Variants in KANSL1 observed in about 807,000 individuals in gnomAD.
KANSL1 encodes the protein MLL1/MLL complex subunit KANSL1.
KANSL1 carries 22 observed loss-of-function variants against 103.6 expected under a neutral mutation model. The ratio of observed to expected loss-of-function variants is 0.21; its 90% CI spans 0.15 to 0.30. KANSL1 has a LOEUF of 0.30. KANSL1 is among the 10% of genes least tolerant of loss of function. The pLI, the probability that KANSL1 is intolerant of heterozygous loss-of-function variation, is 1.00. For synonymous variants in KANSL1, 600 were observed against 527.6 expected (o/e 1.14, Z -1.88); for missense variants, 1,337 against 1,399.8 (o/e 0.96, Z 0.72).
chr17:46,091,427 T>G (rs147302233), intron 3 of KANSL1, among the ~76,000 whole-genome samples: 342 of 152,278 alleles, frequency 2.2e-3, no homozygotes, highest in African/African-American at 7.9e-3. Context: ...AAAAAAATAT[T>G]TAAAATAAAT....
chr17:46,034,547 T>C, intron 10 of KANSL1: 3 of 390,336 alleles, frequency 7.7e-6, no homozygotes, highest in Non-Finnish European at 1.4e-5. Flanking sequence ...GGCTCATGCG[T>C]AAATTTCATA....
intron 4 of KANSL1, among the ~76,000 whole-genome samples, chr17:46,070,774 T>C (rs558094485): frequency 1.4e-4 from 21 of 152,090 alleles, no homozygotes; most frequent in Non-Finnish European, 2.6e-4. Flanking sequence ...GTATATTTGA[T>C]TTATATATGG....
At chr17:46,060,225 G>T (rs2078109080) in intron 6 of KANSL1, among the ~76,000 whole-genome samples, 1 of 152,148 alleles carries the variant, frequency 6.6e-6, no homozygotes, top group Non-Finnish European at 1.5e-5. Flanking sequence ...TTTGGCTCAA[G>T]GACAGGTTAT....
intron 2 of KANSL1, among the ~76,000 whole-genome samples, chr17:46,168,490 G>C (rs577343348): frequency 6.6e-6 from 1 of 152,132 alleles, no homozygotes; most frequent in Non-Finnish European, 1.5e-5. Context: ...TGGATGTAGA[G>C]GCGTGTGCCA....
At chr17:46,151,417 C>T (rs2045094925) in intron 2 of KANSL1, among the ~76,000 whole-genome samples, 1 of 152,240 alleles carries the variant, frequency 6.6e-6, no homozygotes, top group Non-Finnish European at 1.5e-5. Flanking sequence ...CAAACTGTCA[C>T]CTCCTCAGAG....
chr17:46,154,983 C>T lies in KANSL1; in HGVS notation c.1289+15872G>A, dbSNP rs117652975. The stretch of plus-strand genomic sequence containing the variant: ...AGCCTAATCTCTCAATTTTAGTTTC[C>T]TTACCATAAAACAGACACAATGCTT... On this transcript the variant is annotated intron_variant, in intron 2 of 14. Transcript: ENST00000432791. Among the ~76,000 whole-genome samples the T allele has an allele frequency of 3.9e-3, 600 of 152,162 alleles. 3 individuals carry two copies. Among genetic ancestry groups the T allele is most frequent in the Middle Eastern group, 0.017 (5 of 294 alleles).
At chr17:46,166,185 G>C (rs553652879) in intron 2 of KANSL1, among the ~76,000 whole-genome samples, 1 of 140,536 alleles carries the variant, frequency 7.1e-6, no homozygotes, top group African/African-American at 2.6e-5. Context: ...TGTAACTCTA[G>C]CCTGGGCGAC....
chr17:46,059,782 T>C lies in KANSL1; in HGVS notation c.1848+6755A>G, dbSNP rs370082348. ...CAGACTGGAGTGCAGTAGCTTGATC[T>C]TGACTCACTGCAACCTCTGCCTCCC... On this transcript the variant is annotated intron_variant, in intron 6 of 14. Transcript: ENST00000432791. Among the ~76,000 whole-genome samples the C allele has an allele frequency of 2.0e-5, 3 of 152,198 alleles. No homozygotes were observed. In the East Asian group the frequency reaches 5.8e-4, roughly 29 times the overall value.
At chr17:46,138,883 G>C (rs536462923) in intron 2 of KANSL1, among the ~76,000 whole-genome samples, 1 of 152,270 alleles carries the variant, frequency 6.6e-6, no homozygotes, top group South Asian at 2.1e-4. Context: ...CATACATACA[G>C]GACACACATA....
rs984428912 is a variant in KANSL1 at position 46,036,460 on chromosome 17, TTTTTC to T, written c.2541+2073_2541+2077del. On this transcript the variant is annotated intron_variant, in intron 10 of 14. Coordinates refer to ENST00000432791, the MANE Select transcript of KANSL1 (RefSeq NM_015443.4). The stretch of plus-strand genomic sequence containing the variant: ...TGTGTCTGTACTGAAAAGGTACAGA[TTTTTC>T]TTTTCATTATTCTCTAAACAATACA... Among the ~76,000 whole-genome samples the T allele has an allele frequency of 6.6e-5, 10 of 152,330 alleles. No homozygotes were observed. The South Asian group carries it at 1.2e-3, about 19-fold the overall frequency.
At chr17:46,206,059 A>G (rs1399370156) in intron 1 of KANSL1, among the ~76,000 whole-genome samples, 1 of 142,994 alleles carries the variant, frequency 7.0e-6, no homozygotes, top group Non-Finnish European at 1.5e-5. Context: ...TGCAGCCTGG[A>G]TGACAGAACA....
At chr17:46,170,819 T>G (rs769482086) in intron 2 of KANSL1, 36 bp downstream of exon 2, 46 of 1,533,464 alleles carry the variant, frequency 3.0e-5, no homozygotes, top group Non-Finnish European at 3.9e-5. Context: ...GTGCCAACAT[T>G]TCTCAAGAAT....
chr17:46,137,267 T>C (rs2044194294), intron 2 of KANSL1, among the ~76,000 whole-genome samples: 1 of 152,250 alleles, frequency 6.6e-6, no homozygotes, highest in South Asian at 2.1e-4. Context: ...GTCAAAATAA[T>C]ACTTCATGCT....
At chr17:46,173,280 A>C (rs1454474138) in intron 1 of KANSL1, among the ~76,000 whole-genome samples, 1 of 152,154 alleles carries the variant, frequency 6.6e-6, no homozygotes, top group East Asian at 1.9e-4. Context: ...AAAACTTCTG[A>C]GCTGCACTAA....
At chr17:46,220,278 A>G (rs79389363) in intron 1 of KANSL1, among the ~76,000 whole-genome samples, 22,540 of 129,170 alleles carry the variant, frequency 0.17, no homozygotes, top group African/African-American at 0.36. Context: ...GTGCAGTGGC[A>G]CGATCTCGGC....
chr17:46,155,155 A>ATTTTTTTTTTTTTTT (rs33974360), intron 2 of KANSL1, among the ~76,000 whole-genome samples: 1 of 103,854 alleles, frequency 9.6e-6, no homozygotes, highest in Non-Finnish European at 1.8e-5. Flanking sequence ...TCAGCCAGGG[A>ATTTTTTTTTTTTTTT]TTTTTTTTTT....
intron 1 of KANSL1, among the ~76,000 whole-genome samples, chr17:46,178,809 T>C (rs1156600024): frequency 6.6e-6 from 1 of 152,162 alleles, no homozygotes; most frequent in Non-Finnish European, 1.5e-5. Flanking sequence ...CCTTTTTCCA[T>C]TACATCTATT....
intron 1 of KANSL1, among the ~76,000 whole-genome samples, chr17:46,175,310 C>CTGTGTGTGTGTGTGTGTG (rs71138529): frequency 2.2e-5 from 3 of 137,476 alleles, no homozygotes; most frequent in African/African-American, 5.6e-5. Context: ...TGTCTTATTG[C>CTGTGTGTGTGTGTGTGTG]TGTGTGTGTG....
chr17:46,128,511 G>GA (rs145680308), intron 2 of KANSL1, among the ~76,000 whole-genome samples: 18 of 152,048 alleles, frequency 1.2e-4, no homozygotes, highest in Non-Finnish European at 1.5e-4. Context: ...GTGTTATAAA[G>GA]AAAAAAAACA....
Sources: gnomAD v4.1 joint callset for allele counts (sites outside exome capture counted in the v4.1 genomes callset) on GRCh38, gnomAD v4.1.1 for gene constraint, MANE v1.5 for transcripts, NCBI Gene and HGNC (gene_info 2026-07-23, HGNC 2026-07-21) for gene names.